The following CCDC102B variants were observed in gnomAD, a reference collection of about 807,000 sequenced individuals.
CCDC102B encodes coiled-coil domain-containing protein 102B.
Under a neutral mutation model 57.4 loss-of-function variants are expected in CCDC102B, and 75 were observed. The observed-to-expected ratio is 1.31, with a 90% CI of 1.08 to 1.58. CCDC102B has a LOEUF of 1.58. Among genes scored for constraint, CCDC102B ranks in the 40% most tolerant of loss-of-function variants. The pLI is 0.00. For missense variants in CCDC102B, 636 were observed against 582.6 expected (o/e 1.09, Z -0.94); for synonymous variants, 206 against 201.9 (o/e 1.02, Z -0.17).
chr18:68,921,413 T>C (rs1303121587), intron 6 of CCDC102B, among the ~76,000 whole-genome samples: 1 of 152,190 alleles, frequency 6.6e-6, no homozygotes, highest in African/African-American at 2.4e-5. Context: ...TCCAAAGCTA[T>C]CCAAATTTTA....
chr18:68,972,522 C>T (rs1160169765), intron 6 of CCDC102B, among the ~76,000 whole-genome samples: 11 of 152,154 alleles, frequency 7.2e-5, no homozygotes, highest in Non-Finnish European at 1.0e-4. Context: ...GTCTATCTCA[C>T]CTGGTTCAAA....
chr18:68,729,600 A>G (rs181549202), intron 2 of CCDC102B, among the ~76,000 whole-genome samples: 1 of 152,342 alleles, frequency 6.6e-6, no homozygotes, highest in African/African-American at 2.4e-5. Flanking sequence ...TTTAATCCCC[A>G]TAAAGACAAA....
chr18:69,046,027 C>T (rs565090630), intron 7 of CCDC102B, among the ~76,000 whole-genome samples: 1 of 152,108 alleles, frequency 6.6e-6, no homozygotes, highest in South Asian at 2.1e-4. Flanking sequence ...AGTTGATTGT[C>T]TTTGCTATTT....
intron 6 of CCDC102B, among the ~76,000 whole-genome samples, chr18:68,923,391 T>C (rs1436087141): frequency 6.6e-6 from 1 of 151,884 alleles, no homozygotes; most frequent in Non-Finnish European, 1.5e-5. Flanking sequence ...ATGCAAACTA[T>C]ACAGTGTGTA....
At chr18:68,993,941 T>C (rs995621257) in intron 6 of CCDC102B, among the ~76,000 whole-genome samples, 5 of 152,154 alleles carry the variant, frequency 3.3e-5, no homozygotes, top group African/African-American at 1.2e-4. Context: ...TAAAACTTTA[T>C]AGATATTTTA....
chr18:68,743,867 GT>G (rs2018356436), intron 2 of CCDC102B, among the ~76,000 whole-genome samples: 1 of 152,150 alleles, frequency 6.6e-6, no homozygotes, highest in African/African-American at 2.4e-5. Flanking sequence ...TTATTATTTT[GT>G]TGTTGTCATT....
intron 4 of CCDC102B, among the ~76,000 whole-genome samples, chr18:68,854,965 G>A (rs2038315382): frequency 6.6e-6 from 1 of 152,152 alleles, no homozygotes; most frequent in Non-Finnish European, 1.5e-5. Flanking sequence ...GTGAAATTTT[G>A]TCAGTGATTT....
At chr18:68,910,259 C>T (rs1005901969) in intron 6 of CCDC102B, among the ~76,000 whole-genome samples, 4 of 152,150 alleles carry the variant, frequency 2.6e-5, no homozygotes, top group African/African-American at 9.7e-5. Context: ...CACCACTGCA[C>T]TCCAGCCTGG....
rs10546668 is a variant in CCDC102B at position 68,737,448 on chromosome 18, TGTGGTG to T, written c.-67+20872_-67+20877del. Among the ~76,000 whole-genome samples, 1,001 of 150,550 alleles carry T rather than the reference TGTGGTG, an allele frequency of 6.6e-3. 11 individuals carry two copies. Among genetic ancestry groups the T allele is most frequent in the South Asian group, 0.021 (99 of 4,656 alleles). On this transcript the variant is annotated intron_variant, in intron 2 of 3. Coordinates refer to the CCDC102B transcript ENST00000578970. ...ATTCTCCTCCCCATTGACTGGCGCT[TGTGGTG>T]GTGGTGGTGGTGGTGGTAGTGGCAG... is the stretch of plus-strand genomic sequence containing the variant.
chr18:69,015,603 A>C (rs987955046), intron 7 of CCDC102B, among the ~76,000 whole-genome samples: 14 of 152,184 alleles, frequency 9.2e-5, no homozygotes, highest in Non-Finnish European at 2.9e-5. Context: ...AGGTCAACAT[A>C]TTTTAAATAA....
intron 2 of CCDC102B, among the ~76,000 whole-genome samples, chr18:68,761,067 A>T (rs1200293877): frequency 1.3e-5 from 2 of 152,074 alleles, no homozygotes; most frequent in Non-Finnish European, 2.9e-5. Flanking sequence ...TGGAGGGAGT[A>T]CACCCTTCTA....
At chr18:68,878,981 GATGTTCGGAT>G in intron 5 of CCDC102B, among the ~76,000 whole-genome samples, 1 of 152,218 alleles carries the variant, frequency 6.6e-6, no homozygotes, top group Non-Finnish European at 1.5e-5. Context: ...TGTTCCTTCT[GATGTTCGGAT>G]GTGTTCGGAG....
chr18:68,840,497 A>C (rs1272376083), intron 3 of CCDC102B, among the ~76,000 whole-genome samples: 1 of 152,230 alleles, frequency 6.6e-6, no homozygotes, highest in Non-Finnish European at 1.5e-5. Context: ...TATGTACAGA[A>C]TAAATATTTA....
intron 6 of CCDC102B, among the ~76,000 whole-genome samples, chr18:68,980,410 A>T (rs2050548872): frequency 6.6e-6 from 1 of 151,238 alleles, no homozygotes; most frequent in Non-Finnish European, 1.5e-5. Flanking sequence ...AAAAAAAAAA[A>T]TTCTATATAC....
chr18:68,837,022 C>G lies in CCDC102B; in HGVS notation c.259C>G (p.Gln87Glu). ...TGAAGAAGTCAAGGCCAGAGCTGCT[C>G]AGATGGAAAAGACCATGCGGTGGTG... is the stretch of plus-strand genomic sequence containing the variant. ...ELEEVKARAA[Q>E]MEKTMRWWSD... The change falls in exon 2 of 8, where the codon CAG becomes GAG. Residue 87 changes from glutamine to glutamate, a missense_variant. Coordinates refer to ENST00000360242, the MANE Select transcript of CCDC102B (RefSeq NM_024781.3). 6.2e-7 allele frequency: 1 copy of G among 1,614,090 alleles called. No individual in the cohort carries two copies. The highest frequency in any genetic ancestry group is 8.5e-7 in the Non-Finnish European group (1 of 1,180,030).
chr18:68,971,593 A>G (rs1042028150), intron 6 of CCDC102B, among the ~76,000 whole-genome samples: 1 of 152,168 alleles, frequency 6.6e-6, no homozygotes, highest in East Asian at 1.9e-4. Flanking sequence ...GGAAAGGGAA[A>G]TCACAAGATA....
At chr18:68,888,139 C>T (rs1348264989) in intron 5 of CCDC102B, among the ~76,000 whole-genome samples, 2 of 151,978 alleles carry the variant, frequency 1.3e-5, no homozygotes, top group African/African-American at 2.4e-5. Context: ...TAAAAATATA[C>T]TTTTTTTAAA....
At chr18:68,807,736 G>T (rs964618350) in intron 1 of CCDC102B, among the ~76,000 whole-genome samples, 1 of 152,014 alleles carries the variant, frequency 6.6e-6, no homozygotes, top group African/African-American at 2.4e-5. Context: ...AAAAATGAAA[G>T]GAAACAAATG....
intron 6 of CCDC102B, among the ~76,000 whole-genome samples, chr18:69,001,420 C>T (rs1397816937): frequency 6.6e-6 from 1 of 151,270 alleles, no homozygotes; most frequent in African/African-American, 2.4e-5. Context: ...GGCTTTTTAT[C>T]ACATGACCAT....
Sources: allele counts gnomAD v4.1 joint callset (sites outside exome capture counted in the v4.1 genomes callset), GRCh38; gene constraint gnomAD v4.1.1; transcripts MANE v1.5; gene names NCBI Gene and HGNC (gene_info 2026-07-23, HGNC 2026-07-21).